The following CSGALNACT1 variants were observed in gnomAD, a reference collection of about 807,000 sequenced individuals.
CSGALNACT1 encodes the protein chondroitin sulfate N-acetylgalactosaminyltransferase 1, also known as beta4GalNAcT-1.
A neutral mutation model predicts 51.0 loss-of-function variants in CSGALNACT1; 52 were observed. The observed-to-expected ratio is 1.02, with a 90% confidence interval of 0.82 to 1.29. CSGALNACT1 has a LOEUF of 1.29. Among genes scored for constraint, CSGALNACT1 ranks in the 50% most tolerant of loss-of-function variants. The probability of loss-of-function intolerance (pLI) is 0.00; values close to 1 mark genes in which losing one functional copy is unlikely to be tolerated. For missense variants in CSGALNACT1, 935 were observed against 679.2 expected, an observed-to-expected ratio of 1.38 and a Z score of -4.19; for synonymous variants, 341 against 254.4, an observed-to-expected ratio of 1.34 and a Z score of -3.24.
At chr8:19,738,291 G>T (rs2064109144) in intron 1 of CSGALNACT1, among the ~76,000 whole-genome samples, 1 of 152,182 alleles carries the variant, frequency 6.6e-6, no homozygotes, top group Admixed American at 6.5e-5. Flanking sequence ...ATATTATTCT[G>T]CTTTAAAAAG....
chr8:19,600,508 C>T (rs1433564442), intron 2 of CSGALNACT1, among the ~76,000 whole-genome samples: 3 of 152,152 alleles, frequency 2.0e-5, no homozygotes, highest in Non-Finnish European at 4.4e-5. Context: ...TTCTCAAAAA[C>T]ATTAAACATC....
chr8:19,729,544 G>C (rs189264736), intron 1 of CSGALNACT1, among the ~76,000 whole-genome samples: 1 of 152,278 alleles, frequency 6.6e-6, no homozygotes, highest in Non-Finnish European at 1.5e-5. Context: ...GAGGTTTCAA[G>C]GATCAGAGGG....
chr8:19,723,415 C>T lies in CSGALNACT1; in HGVS notation c.-297+34435G>A, dbSNP rs190179252. On this transcript the variant is annotated intron_variant, in intron 1 of 1. Transcript: ENST00000517494. Reference sequence around the variant, plus strand: ...CATGTAAAATGTCACATCACTTTCACGTTATTCAAATGCAAGGTACCATTC... The same window carrying T: ...CATGTAAAATGTCACATCACTTTCATGTTATTCAAATGCAAGGTACCATTC... Among the ~76,000 whole-genome samples, 59 of 152,268 alleles carry T rather than the reference C, an allele frequency of 3.9e-4. 1 individual carries two copies. The highest frequency in any genetic ancestry group is 1.3e-3 in the African/African-American group (56 of 41,564).
intron 1 of CSGALNACT1, among the ~76,000 whole-genome samples, chr8:19,713,276 G>A (rs1032328373): frequency 8.5e-5 from 13 of 152,308 alleles, no homozygotes; most frequent in African/African-American, 3.1e-4. Flanking sequence ...TGTTTGAAGG[G>A]CATGACAGAG....
At chr8:19,597,408 G>A (rs1415574177) in intron 2 of CSGALNACT1, among the ~76,000 whole-genome samples, 3 of 138,692 alleles carry the variant, frequency 2.2e-5, no homozygotes, top group Non-Finnish European at 3.0e-5. Context: ...CAATCCTCCC[G>A]CCTTTGCTCC....
At chr8:19,549,999 G>A (rs1246412582) in intron 3 of CSGALNACT1, among the ~76,000 whole-genome samples, 1 of 152,118 alleles carries the variant, frequency 6.6e-6, no homozygotes, top group Non-Finnish European at 1.5e-5. Context: ...TTCAATAGAT[G>A]TGTCCTGGAG....
At chr8:19,635,821 G>T (rs145293189) in intron 1 of CSGALNACT1, among the ~76,000 whole-genome samples, 2 of 152,052 alleles carry the variant, frequency 1.3e-5, no homozygotes, top group Admixed American at 1.3e-4. Context: ...TCTGCCTCCC[G>T]GGTTCAAGCA....
intron 1 of CSGALNACT1, among the ~76,000 whole-genome samples, chr8:19,711,748 G>A (rs978480347): frequency 1.3e-5 from 2 of 152,122 alleles, no homozygotes; most frequent in Non-Finnish European, 2.9e-5. Context: ...TTCCATTCCA[G>A]CCTTCATTGA....
intron 1 of CSGALNACT1, among the ~76,000 whole-genome samples, chr8:19,615,690 C>T (rs2052904753): frequency 6.6e-6 from 1 of 152,028 alleles, no homozygotes; most frequent in Non-Finnish European, 1.5e-5. Context: ...TTTCAACATC[C>T]AATTATATGC....
chr8:19,725,671 A>C (rs28623088), intron 1 of CSGALNACT1, among the ~76,000 whole-genome samples: 60,130 of 151,634 alleles, frequency 0.4, 12,279 homozygotes, highest in East Asian at 0.63. Flanking sequence ...GATCCACATG[A>C]CTCAGCCTCC....
chr8:19,659,967 C>T (rs2058620678), intron 1 of CSGALNACT1, among the ~76,000 whole-genome samples: 1 of 152,236 alleles, frequency 6.6e-6, no homozygotes, highest in African/African-American at 2.4e-5. Context: ...ACTCTAGCCG[C>T]TTTCTTTGTA....
intron 9 of CSGALNACT1, among the ~76,000 whole-genome samples, chr8:19,408,306 C>G (rs2054767130): frequency 6.6e-6 from 1 of 151,920 alleles, no homozygotes; most frequent in Non-Finnish European, 1.5e-5. Flanking sequence ...TCTATGACAT[C>G]AGGAACAGCA....
intron 1 of CSGALNACT1, chr8:19,688,998 C>G (rs1348501288): frequency 6.6e-6 from 1 of 152,216 alleles, no homozygotes; most frequent in Non-Finnish European, 1.5e-5. Flanking sequence ...AGTGATCAGT[C>G]TTTCATTTAG....
At chr8:19,682,233 C>G (rs568446542) in intron 1 of CSGALNACT1, among the ~76,000 whole-genome samples, 3 of 152,232 alleles carry the variant, frequency 2.0e-5, no homozygotes, top group South Asian at 4.1e-4. Context: ...TCTGTTTGTA[C>G]TCCTGCCTCG....
intron 3 of CSGALNACT1, among the ~76,000 whole-genome samples, chr8:19,542,402 G>A (rs1379936666): frequency 6.6e-6 from 1 of 152,106 alleles, no homozygotes; most frequent in Non-Finnish European, 1.5e-5. Context: ...AGCGGCAAAG[G>A]AATCATTAAA....
intron 4 of CSGALNACT1, among the ~76,000 whole-genome samples, chr8:19,466,148 A>T (rs181444826): frequency 1.2e-4 from 18 of 152,368 alleles, no homozygotes; most frequent in South Asian, 6.2e-4. Context: ...ATGGAAAAAA[A>T]ATATACATGT....
At chr8:19,755,347 C>G (rs555351529) in intron 1 of CSGALNACT1, among the ~76,000 whole-genome samples, 1 of 146,928 alleles carries the variant, frequency 6.8e-6, no homozygotes, top group Admixed American at 7.0e-5. Context: ...AATAAATAAT[C>G]AATAGATAAA....
chr8:19,482,257 T>C (rs1256396619), intron 4 of CSGALNACT1, among the ~76,000 whole-genome samples: 1 of 152,234 alleles, frequency 6.6e-6, no homozygotes, highest in Non-Finnish European at 1.5e-5. Flanking sequence ...GCTAGTGAAA[T>C]TGAGGACATA....
At chr8:19,435,793 C>T (rs1173296675) in intron 6 of CSGALNACT1, among the ~76,000 whole-genome samples, 4 of 152,224 alleles carry the variant, frequency 2.6e-5, no homozygotes, top group South Asian at 2.1e-4. Flanking sequence ...TATTGAGAAT[C>T]GATTTGTATT....
Sources: gnomAD v4.1 joint callset for allele counts (sites outside exome capture counted in the v4.1 genomes callset) on GRCh38, gnomAD v4.1.1 for gene constraint, MANE v1.5 for transcripts, NCBI Gene and HGNC (gene_info 2026-07-23, HGNC 2026-07-21) for gene names.